Variants in SSBP2 observed in about 807,000 individuals in gnomAD.
SSBP2 encodes the protein single stranded DNA binding protein 2.
A neutral mutation model predicts 61.8 loss-of-function variants in SSBP2; 17 were observed. The observed-to-expected ratio is 0.28, with a 90% CI of 0.19 to 0.41. SSBP2 has a LOEUF of 0.41. Among genes scored for constraint, SSBP2 ranks in the 10% least tolerant of loss-of-function variants. The pLI, the probability that SSBP2 is intolerant of heterozygous loss-of-function variation, is 1.00. For missense variants in SSBP2, 310 were observed against 458.7 expected (o/e 0.68, Z 2.96); for synonymous variants, 139 against 141.3 (o/e 0.98, Z 0.12).
chr5:81,596,071 T>A (rs887531544), intron 4 of SSBP2, among the ~76,000 whole-genome samples: 1 of 152,188 alleles, frequency 6.6e-6, no homozygotes, highest in Non-Finnish European at 1.5e-5. Context: ...GACGACATGA[T>A]TGTATATCTA....
rs1362443309 is a variant in SSBP2, at chr5:81,512,189, A to G, written c.372+1439T>C. ...AAAATGAACTGGAAATATTTCATGA[A>G]TAACAATCAACTACGAGGCTTAAAA... is the stretch of plus-strand genomic sequence containing the variant. On this transcript the variant is annotated intron_variant, in intron 5 of 16. Coordinates refer to ENST00000320672, the MANE Select transcript of SSBP2 (RefSeq NM_012446.5). 2.0e-5 allele frequency among the ~76,000 whole-genome samples: 3 copies of G among 152,336 alleles called. No individual in the cohort carries two copies. In the East Asian group the frequency reaches 5.8e-4, roughly 29 times the overall value.
At chr5:81,742,604 A>G (rs936224049) in intron 1 of SSBP2, among the ~76,000 whole-genome samples, 20 of 152,220 alleles carry the variant, frequency 1.3e-4, no homozygotes, top group African/African-American at 4.8e-4. Flanking sequence ...GGCCGGGCTC[A>G]GTGGCTCATG....
chr5:81,717,664 TTTAAC>T (rs1755250790), intron 1 of SSBP2, among the ~76,000 whole-genome samples: 1 of 152,152 alleles, frequency 6.6e-6, no homozygotes, highest in African/African-American at 2.4e-5. Context: ...CCCCACAAAA[TTTAAC>T]TTACTGTACA....
intron 10 of SSBP2, among the ~76,000 whole-genome samples, chr5:81,460,260 G>A (rs904856659): frequency 6.6e-6 from 1 of 152,120 alleles, no homozygotes; most frequent in Non-Finnish European, 1.5e-5. Context: ...GGGATCACAG[G>A]TTGTATTTCA....
intron 2 of SSBP2, among the ~76,000 whole-genome samples, chr5:81,637,197 T>G (rs552703218): frequency 6.6e-6 from 1 of 152,338 alleles, no homozygotes; most frequent in South Asian, 2.1e-4. Flanking sequence ...CTTCAGAGGT[T>G]AAAGGTAAAT....
intron 4 of SSBP2, among the ~76,000 whole-genome samples, chr5:81,537,320 C>T (rs924422390): frequency 6.6e-6 from 1 of 152,082 alleles, no homozygotes; most frequent in Non-Finnish European, 1.5e-5. Context: ...GAAGACAATG[C>T]TGATGAGACC....
At chr5:81,488,016 T>TATAC (rs1295518283) in intron 6 of SSBP2, among the ~76,000 whole-genome samples, 1 of 13,824 alleles carries the variant, frequency 7.2e-5, no homozygotes, top group Non-Finnish European at 1.3e-4. Flanking sequence ...AAATAATATA[T>TATAC]ATATATATAT....
chr5:81,420,536 A>G lies in SSBP2; in HGVS notation c.1057-3T>C, dbSNP rs1302681688. ...CTCATTGTCATGCTAGGGGAGTACT[A>G]GAAGGAAAGAAGAATCCATATTTTA... On this transcript the variant is annotated splice_polypyrimidine_tract_variant and splice_region_variant and intron_variant, in intron 16 of 16. Transcript: ENST00000320672. 6.2e-7 allele frequency: 1 copy of G among 1,612,882 alleles called. No individual in the cohort carries two copies. Among genetic ancestry groups the G allele is most frequent in the African/African-American group, 1.3e-5 (1 of 74,918 alleles).
At chr5:81,628,117 G>A (rs1376900928) in intron 3 of SSBP2, among the ~76,000 whole-genome samples, 1 of 152,076 alleles carries the variant, frequency 6.6e-6, no homozygotes, top group African/African-American at 2.4e-5. Flanking sequence ...AGACATACCT[G>A]AGACTGGGTA....
chr5:81,610,590 A>AT (rs1417648878), intron 4 of SSBP2, among the ~76,000 whole-genome samples: 3 of 152,186 alleles, frequency 2.0e-5, no homozygotes, highest in African/African-American at 4.8e-5. Flanking sequence ...GTCATTTGTG[A>AT]TTTTAAACCC....
intron 1 of SSBP2, among the ~76,000 whole-genome samples, chr5:81,693,823 G>C (rs1481552778): frequency 6.6e-6 from 1 of 152,138 alleles, no homozygotes; most frequent in Non-Finnish European, 1.5e-5. Context: ...CAATCCCATT[G>C]CTAGGTATAC....
intron 4 of SSBP2, among the ~76,000 whole-genome samples, chr5:81,607,640 A>G (rs2153577715): frequency 6.6e-6 from 1 of 152,290 alleles, no homozygotes; most frequent in East Asian, 1.9e-4. Flanking sequence ...GAAGCCATGG[A>G]TCATTTAAGT....
At chr5:81,598,133 C>T (rs1028278783) in intron 4 of SSBP2, among the ~76,000 whole-genome samples, 1 of 151,944 alleles carries the variant, frequency 6.6e-6, no homozygotes, top group Non-Finnish European at 1.5e-5. Context: ...CCAACTTACT[C>T]AGAAAATATC....
intron 1 of SSBP2, among the ~76,000 whole-genome samples, chr5:81,670,557 T>C (rs1309914842): frequency 6.6e-6 from 1 of 152,168 alleles, no homozygotes; most frequent in Non-Finnish European, 1.5e-5. Context: ...CAAGAAAACA[T>C]CTTCTTTCTA....
chr5:81,709,483 A>G (rs1481456879), intron 1 of SSBP2, among the ~76,000 whole-genome samples: 3 of 151,956 alleles, frequency 2.0e-5, no homozygotes, highest in Admixed American at 6.6e-5. Context: ...TTCCTGAATA[A>G]TATCTTAATC....
rs150927601 is a variant in SSBP2, at chr5:81,506,515, C to T, written c.372+7113G>A. ...CTAAGATCTAAGATGGTATTTATAACTTCCTAAGAGGGAAAGGGAGTTTCT... is the reference window on the plus strand; with the variant it reads ...CTAAGATCTAAGATGGTATTTATAATTTCCTAAGAGGGAAAGGGAGTTTCT... On this transcript the variant is annotated intron_variant, in intron 5 of 16. Coordinates refer to ENST00000320672, the MANE Select transcript of SSBP2 (RefSeq NM_012446.5). Among the ~76,000 whole-genome samples, 1,222 of 152,202 alleles carry T rather than the reference C, an allele frequency of 8.0e-3. 8 individuals are homozygous for T. Among genetic ancestry groups the T allele is most frequent in the South Asian group, 0.023 (111 of 4,828 alleles).
At position 81,428,593 on chromosome 5, in the gene SSBP2, T is replaced by C; in HGVS notation, c.1048A>G (p.Ser350Gly). 1 of 1,612,190 alleles carries C rather than the reference T, an allele frequency of 6.2e-7. No homozygotes were observed. Among genetic ancestry groups the C allele is most frequent in the Non-Finnish European group, 8.5e-7 (1 of 1,178,506 alleles). ...GTCAAGGGAATACTTACACTCTCACTCTGAAAAGGATTTAAGAAATTTCCC... is the reference window on the plus strand; with the variant it reads ...GTCAAGGGAATACTTACACTCTCACCCTGAAAAGGATTTAAGAAATTTCCC... Residue 350 changes from serine to glycine, a missense_variant, in exon 16 of 17, where the codon AGT becomes GGT. Transcript: ENST00000320672.
rs146959021 is a variant in SSBP2, at chr5:81,581,398, T to G, written c.282+34075A>C. ...GTCACTGTTAGCTCTAAAAATCTGT[T>G]ACTTTATACCTTACAATTTTGTGAA... On this transcript the variant is annotated intron_variant, in intron 4 of 16. Transcript: ENST00000320672. Among the ~76,000 whole-genome samples the G allele has an allele frequency of 2.2e-3, 333 of 152,350 alleles. 3 individuals carry two copies. The highest frequency in any genetic ancestry group is 3.9e-3 in the Non-Finnish European group (267 of 68,036).
At chr5:81,581,102 A>C (rs1774607327) in intron 4 of SSBP2, among the ~76,000 whole-genome samples, 1 of 152,196 alleles carries the variant, frequency 6.6e-6, no homozygotes, top group Non-Finnish European at 1.5e-5. Flanking sequence ...TAAGCATACT[A>C]ATGGTCTGGT....
Sources: allele counts gnomAD v4.1 joint callset (sites outside exome capture counted in the v4.1 genomes callset), GRCh38; gene constraint gnomAD v4.1.1; transcripts MANE v1.5; gene names NCBI Gene and HGNC (gene_info 2026-07-23, HGNC 2026-07-21).